Variants in RPN2 observed in about 807,000 individuals in gnomAD.
The protein encoded by RPN2 is dolichyl-diphosphooligosaccharide--protein glycosyltransferase subunit 2.
In RPN2, 29 loss-of-function variants were observed where a neutral mutation model predicts 71.4. The observed-to-expected ratio is 0.41, with a 90% CI of 0.30 to 0.55. RPN2 has a LOEUF of 0.55. Ranked by LOEUF, RPN2 falls within the 20% of genes least tolerant of loss-of-function variation. The pLI, the probability that RPN2 is intolerant of heterozygous loss-of-function variation, is 0.35. For missense variants in RPN2, 726 were observed against 774.1 expected (o/e 0.94, Z 0.74); for synonymous variants, 308 against 305.0 (o/e 1.01, Z -0.10).
chr20:37,179,544 G>A (rs993257607), intron 1 of RPN2, 175 bp downstream of exon 1: 12 of 1,390,458 alleles, frequency 8.6e-6, no homozygotes, highest in Non-Finnish European at 1.1e-5. Flanking sequence ...CGAGCTGGTG[G>A]GAGTGCCCGC....
intron 13 of RPN2, among the ~76,000 whole-genome samples, chr20:37,231,193 C>T (rs2068233024): frequency 6.6e-6 from 1 of 152,038 alleles, no homozygotes; most frequent in African/African-American, 2.4e-5. Flanking sequence ...AATTTTCCAG[C>T]TGGAAAGTGA....
intron 6 of RPN2, among the ~76,000 whole-genome samples, chr20:37,205,971 C>T (rs1344371995): frequency 6.6e-6 from 1 of 152,180 alleles, no homozygotes. Context: ...TTTGACAAAA[C>T]AATTCTGGTG....
At chr20:37,232,451 T>G in intron 14 of RPN2, 60 bp downstream of exon 14, 2 of 1,589,004 alleles carry the variant, frequency 1.3e-6, no homozygotes, top group Non-Finnish European at 1.7e-6. Flanking sequence ...GCAGATGCAT[T>G]CCTTCCAAAG....
At position 37,204,893 on chromosome 20, in the gene RPN2, A is replaced by G; in HGVS notation, c.682A>G (p.Ile228Val). 2 of 1,614,182 alleles carry G rather than the reference A, an allele frequency of 1.2e-6. No homozygotes were observed. The highest frequency in any genetic ancestry group is 2.2e-5 in the East Asian group (1 of 44,878). Residue 228 changes from isoleucine (I) to valine (V), a missense_variant, in exon 6 of 17, where the codon ATT becomes GTT. Coordinates refer to ENST00000237530, the MANE Select transcript of RPN2 (RefSeq NM_002951.5). ...LMDHVGTEPS[I>V]KEDQVIQLMN... ...GGATCATGTGGGGACTGAGCCATCC[A>G]TTAAGGAGGTACCTATCTAACAATT...
Position 37,199,233 on chromosome 20 carries a change from G to T in RPN2, c.479+8G>T. On this transcript the variant is annotated splice_region_variant and intron_variant, in intron 4 of 16. Transcript: ENST00000237530. ...GGAGGAGACTGTGCTGGCGTGAGTT[G>T]TCATCTCGAGCATTTCTCAGGCTTC... is the stretch of plus-strand genomic sequence containing the variant. The T allele has an allele frequency of 6.2e-7, 1 of 1,613,030 alleles. No individual in the cohort carries two copies. Among genetic ancestry groups the T allele is most frequent in the African/African-American group, 1.3e-5 (1 of 75,044 alleles).
chr20:37,179,619 A>T, intron 1 of RPN2: 1 of 929,142 alleles, frequency 1.1e-6, no homozygotes, highest in South Asian at 2.3e-5. Flanking sequence ...CCCGAGGCTC[A>T]GCCGTGGGGA....
At chr20:37,186,765 C>T (rs144361251) in intron 2 of RPN2, among the ~76,000 whole-genome samples, 2,039 of 152,314 alleles carry the variant, frequency 0.013, 21 homozygotes, top group Non-Finnish European at 0.019. Flanking sequence ...AGACTCTTTT[C>T]ACCGATAATA....
chr20:37,187,645 A>G (rs1032963367), intron 2 of RPN2, among the ~76,000 whole-genome samples: 11 of 145,560 alleles, frequency 7.6e-5, no homozygotes, highest in Admixed American at 7.5e-4. Flanking sequence ...ATTTTGTTTT[A>G]TTTTATTTTT....
At chr20:37,192,382 A>G (rs1041611167) in intron 2 of RPN2, among the ~76,000 whole-genome samples, 2 of 152,218 alleles carry the variant, frequency 1.3e-5, no homozygotes, top group African/African-American at 4.8e-5. Flanking sequence ...TGAGAGTACC[A>G]TAATACAGTG....
At chr20:37,190,547 T>TGTGTGCAGGTAGTA (rs2067117717) in intron 2 of RPN2, among the ~76,000 whole-genome samples, 1 of 152,216 alleles carries the variant, frequency 6.6e-6, no homozygotes, top group African/African-American at 2.4e-5. Context: ...AGCACGTTGA[T>TGTGTGCAGGTAGTA]GGCATGTGGT....
chr20:37,210,515 T>G (rs1245325722), intron 8 of RPN2, among the ~76,000 whole-genome samples: 1 of 144,280 alleles, frequency 6.9e-6, no homozygotes, highest in Non-Finnish European at 1.5e-5. Flanking sequence ...CATTCAGAGA[T>G]AACTTTTGCT....
chr20:37,193,732 A>C (rs1285206142), intron 2 of RPN2, among the ~76,000 whole-genome samples: 2 of 152,146 alleles, frequency 1.3e-5, no homozygotes, highest in East Asian at 3.8e-4. Context: ...ACAGGAAGAC[A>C]ATGAGGTTTG....
At chr20:37,232,129 A>G (rs1568998845) in intron 13 of RPN2, among the ~76,000 whole-genome samples, 167 bp from the exon 14 acceptor site, 1 of 152,236 alleles carries the variant, frequency 6.6e-6, no homozygotes. Flanking sequence ...AAAAGCCAGC[A>G]TTGAGAAGAG....
intron 15 of RPN2, among the ~76,000 whole-genome samples, chr20:37,234,685 G>GTT (rs113523661): frequency 0.64 from 93,411 of 145,708 alleles, 30,175 homozygotes; most frequent in Middle Eastern, 0.79. Context: ...TTTGTTCGTT[G>GTT]TTTTTTTTTT....
At chr20:37,224,949 G>A (rs2068044193) in intron 10 of RPN2, among the ~76,000 whole-genome samples, 1 of 152,156 alleles carries the variant, frequency 6.6e-6, no homozygotes, top group Non-Finnish European at 1.5e-5. Flanking sequence ...CTGTGCGAGC[G>A]CTTTGCTGTT....
intron 16 of RPN2, among the ~76,000 whole-genome samples, chr20:37,237,697 C>A (rs1375470552): frequency 1.3e-5 from 2 of 152,192 alleles, no homozygotes; most frequent in African/African-American, 4.8e-5. Context: ...CTTCCCTTAG[C>A]ACCAGCAGTG....
intron 16 of RPN2, chr20:37,238,598 A>G (rs1365910860): frequency 8.2e-6 from 6 of 733,044 alleles, no homozygotes; most frequent in Middle Eastern, 2.5e-4. Context: ...CTGCTTTTCA[A>G]CTTGCTAGAT....
intron 16 of RPN2, among the ~76,000 whole-genome samples, chr20:37,237,895 G>A (rs140186737): frequency 3.3e-5 from 5 of 152,266 alleles, no homozygotes; most frequent in African/African-American, 1.2e-4. Context: ...TTGCTCACTC[G>A]AGAAGAATGA....
chr20:37,187,876 C>T (rs546859235), intron 2 of RPN2, among the ~76,000 whole-genome samples: 11 of 152,254 alleles, frequency 7.2e-5, no homozygotes, highest in Non-Finnish European at 1.2e-4. Flanking sequence ...CTCCTGACCT[C>T]AAGTGATTTG....
Sources: allele counts gnomAD v4.1 joint callset (sites outside exome capture counted in the v4.1 genomes callset), GRCh38; gene constraint gnomAD v4.1.1; transcripts MANE v1.5; gene names NCBI Gene and HGNC (gene_info 2026-07-23, HGNC 2026-07-21).